PPIC: variants seen among roughly 807,000 people sequenced by gnomAD.
The protein encoded by PPIC is peptidyl-prolyl cis-trans isomerase C.
In PPIC, 19 loss-of-function variants were observed where a neutral mutation model predicts 19.5. The ratio of observed to expected loss-of-function variants is 0.98; its 90% CI spans 0.68 to 1.43. The LOEUF is 1.43. Among genes scored for constraint, PPIC ranks in the 40% most tolerant of loss-of-function variants. PPIC has a pLI of 0.00. For synonymous variants in PPIC, 107 were observed against 101.2 expected (o/e 1.06, Z -0.34); for missense variants, 268 against 268.6 (o/e 1.00, Z 0.02).
At position 123,036,196 on chromosome 5, in the gene PPIC, G is replaced by T. The variant is rs1041225177; in HGVS notation, c.117+313C>A. 1.3e-5 allele frequency: 5 copies of T among 394,256 alleles called. No individual in the cohort carries two copies. Among genetic ancestry groups the T allele is most frequent in the African/African-American group, 4.4e-5 (2 of 45,804 alleles). 24.4% of individuals were successfully genotyped at this position (394,256 alleles called of 1,614,324 possible). ...TTGGGCAGTCTCTTTCCTGGAGAAC[G>T]GGCCCGCCGGTTCCGGAAGCCTCTC... On this transcript the variant is annotated intron_variant, in intron 1 of 4. Coordinates refer to ENST00000306442, the MANE Select transcript of PPIC (RefSeq NM_000943.5). The surrounding 1 kb of genome is among the most constrained non-coding windows in gnomAD (Gnocchi z 4.5).
chr5:123,036,207 T>G lies in PPIC; in HGVS notation c.117+302A>C. 2.6e-5 allele frequency: 10 copies of G among 391,542 alleles called. No individual in the cohort carries two copies. Among genetic ancestry groups the G allele is most frequent in the Non-Finnish European group, 3.3e-5 (7 of 213,002 alleles). The allele number at this position is 391,542 out of a possible 1,614,324, so 24.3% of individuals were successfully genotyped here. ...CTTTCCTGGAGAACGGGCCCGCCGGTTCCGGAAGCCTCTCCTACCCCCAGG... is the reference window on the plus strand; with the variant it reads ...CTTTCCTGGAGAACGGGCCCGCCGGGTCCGGAAGCCTCTCCTACCCCCAGG... On this transcript the variant is annotated intron_variant, in intron 1 of 4. Coordinates refer to ENST00000306442, the MANE Select transcript of PPIC (RefSeq NM_000943.5). The surrounding 1 kb of genome is among the most constrained non-coding windows in gnomAD (Gnocchi z 4.5).
Position 123,036,721 on chromosome 5 carries a change from C to T in PPIC, c.-96G>A. The T allele has an allele frequency of 9.5e-7, 1 of 1,056,536 alleles. No individual in the cohort carries two copies. The allele number at this position is 1,056,536 out of a possible 1,614,324, so 65.4% of individuals were successfully genotyped here. A position where few individuals can be genotyped will look rare whatever the true frequency, so the allele number is the denominator to read the frequency against. ...CTGACGGGACTGCCGGCCGGCTGCG[C>T]CTGCGCGCTCCCGGTTGCGGGGGAT... On this transcript the variant is annotated 5_prime_UTR_variant, in exon 1 of 5. Transcript: ENST00000306442. This position sits in a 1 kb window ranked among gnomAD's most constrained non-coding sequence, Gnocchi z 4.5.
At chr5:123,026,050 T>A (rs918630397) in intron 3 of PPIC, 82 bp from the exon 4 acceptor site, 1 of 1,211,008 alleles carries the variant, frequency 8.3e-7, no homozygotes, top group East Asian at 2.6e-5. Context: ...CTTAGAGGAA[T>A]CAATTACTAG....
At chr5:123,033,773 A>G (rs891198521) in intron 1 of PPIC, among the ~76,000 whole-genome samples, 16 of 152,372 alleles carry the variant, frequency 1.1e-4, no homozygotes, top group African/African-American at 3.8e-4. Flanking sequence ...CCATCTAGCC[A>G]CAGCCTCCTG....
At chr5:123,029,171 A>T (rs2150189599) in intron 2 of PPIC, 134 bp downstream of exon 2, 1 of 1,506,398 alleles carries the variant, frequency 6.6e-7, no homozygotes, top group Non-Finnish European at 9.0e-7. Flanking sequence ...ATACATATTT[A>T]ATTGGAAAAT....
In PPIC at chr5:123,032,368, G is replaced by A. The variant is rs45465793; in HGVS notation, c.118-2950C>T. ...TTTCAAGGCTGCCTCTAGCTAAACT[G>A]GTTTATTGTTAATAGGGCTCTCCGG... On this transcript the variant is annotated intron_variant, in intron 1 of 4. Coordinates refer to ENST00000306442, the MANE Select transcript of PPIC (RefSeq NM_000943.5). Among the ~76,000 whole-genome samples, 1,285 of 152,274 alleles carry A rather than the reference G, an allele frequency of 8.4e-3. 22 individuals are homozygous for A. The highest frequency in any genetic ancestry group is 0.03 in the African/African-American group (1,232 of 41,564).
Position 123,029,414 on chromosome 5 carries a change from A to C in PPIC, c.122T>G (p.Phe41Cys). 1 of 1,594,312 alleles carries C rather than the reference A, an allele frequency of 6.3e-7. No homozygotes were observed. The highest frequency in any genetic ancestry group is 8.6e-7 in the Non-Finnish European group (1 of 1,169,104). The change falls in exon 2 of 5, where the codon TTC (phenylalanine) becomes TGC (cysteine). Residue 41 changes from phenylalanine to cysteine, a missense_variant. Physicochemically the swap from Phe to Cys is radical, Grantham distance 205. Transcript: ENST00000306442. ...KRGPSVTAKV[F>C]FDVRIGDKDV... Reference sequence around the variant, plus strand: ...TTTGTCTCCAATCCTCACATCAAAGAAGACCTGTGTGCAGTTGAAAGGCAA... The same window carrying C: ...TTTGTCTCCAATCCTCACATCAAAGCAGACCTGTGTGCAGTTGAAAGGCAA...
chr5:123,036,636 G>T lies in PPIC; in HGVS notation c.-11C>A, dbSNP rs1763020118. The T allele has an allele frequency of 1.1e-5, 17 of 1,571,958 alleles. No homozygotes were observed. Among genetic ancestry groups the T allele is most frequent in the Non-Finnish European group, 1.5e-5 (17 of 1,160,044 alleles). Reference sequence around the variant, plus strand: ...AGGACCCGGGCCCATGGTGAGCGGTGGCAGCGGCGCTACCGGCACGGGCGC... The same window carrying T: ...AGGACCCGGGCCCATGGTGAGCGGTTGCAGCGGCGCTACCGGCACGGGCGC... On this transcript the variant is annotated 5_prime_UTR_variant, in exon 1 of 5. Coordinates refer to ENST00000306442, the MANE Select transcript of PPIC (RefSeq NM_000943.5). The surrounding 1 kb of genome is among the most constrained non-coding windows in gnomAD (Gnocchi z 4.5).
intron 2 of PPIC, 102 bp from the exon 3 acceptor site, chr5:123,028,970 T>C (rs563473640): frequency 1.9e-6 from 2 of 1,064,538 alleles, no homozygotes; most frequent in East Asian, 2.6e-5. Context: ...TTAAACAAAA[T>C]GCCTACAGAA....
chr5:123,023,566 T>C lies in PPIC; in HGVS notation c.*309A>G, dbSNP rs569167704. The stretch of plus-strand genomic sequence containing the variant: ...TCAGCATTACCCAATATGGGGATCA[T>C]AATGAATTCAGAAAAAAAATATTGC... On this transcript the variant is annotated 3_prime_UTR_variant, in exon 5 of 5. Coordinates refer to ENST00000306442, the MANE Select transcript of PPIC (RefSeq NM_000943.5). 1 of 188,098 alleles carries C rather than the reference T, an allele frequency of 5.3e-6. No individual in the cohort carries two copies. Among genetic ancestry groups the C allele is most frequent in the East Asian group, 1.4e-4 (1 of 7,278 alleles). 11.7% of individuals were successfully genotyped at this position (188,098 alleles called of 1,614,324 possible). A position where few individuals can be genotyped will look rare whatever the true frequency, so the allele number is the denominator to read the frequency against.
At position 123,036,386 on chromosome 5, in the gene PPIC, C is replaced by G. The variant is rs1257588372; in HGVS notation, c.117+123G>C. ...CTCCCACCCAGTCCCGCGGCCGCCT[C>G]CAGTCCCCCTGCGCCCGGGAAGCCT... On this transcript the variant is annotated intron_variant, in intron 1 of 4. Coordinates refer to ENST00000306442, the MANE Select transcript of PPIC (RefSeq NM_000943.5). The surrounding 1 kb of genome is among the most constrained non-coding windows in gnomAD (Gnocchi z 4.5). 1.1e-6 allele frequency: 1 copy of G among 906,402 alleles called. No individual in the cohort carries two copies. Among genetic ancestry groups the G allele is most frequent in the African/African-American group, 1.7e-5 (1 of 60,292 alleles). 56.1% of individuals were successfully genotyped at this position (906,402 alleles called of 1,614,324 possible).
intron 1 of PPIC, among the ~76,000 whole-genome samples, chr5:123,030,406 TTGAA>T (rs1271175093): frequency 1.3e-5 from 2 of 152,194 alleles, no homozygotes; most frequent in African/African-American, 2.4e-5. Context: ...AATTTACTGT[TTGAA>T]TGGGTAAAAA....
intron 1 of PPIC, among the ~76,000 whole-genome samples, chr5:123,033,729 A>G (rs1407772521): frequency 6.6e-6 from 1 of 152,240 alleles, no homozygotes; most frequent in Non-Finnish European, 1.5e-5. Flanking sequence ...AAAGGAGGAA[A>G]CTGAGCTGTG....
At position 123,023,795 on chromosome 5, in the gene PPIC, G is replaced by GA. The variant is rs2150187854; in HGVS notation, c.*79dup. ...AGTAAAAAAAAAAAAGCAAATAATTGAAAGACAACACAACACACACACACA... is the reference window on the plus strand; with the variant it reads ...AGTAAAAAAAAAAAAGCAAATAATTGAAAAGACAACACAACACACACACACA... On this transcript the variant is annotated 3_prime_UTR_variant, in exon 5 of 5. Transcript: ENST00000306442. 2 of 1,241,164 alleles carry GA rather than the reference G, an allele frequency of 1.6e-6. No homozygotes were observed. The highest frequency in any genetic ancestry group is 1.8e-5 in the African/African-American group (1 of 56,016). 76.9% of individuals were successfully genotyped at this position (1,241,164 alleles called of 1,614,324 possible).
intron 1 of PPIC, 131 bp from the exon 2 acceptor site, chr5:123,029,549 A>G: frequency 7.2e-7 from 1 of 1,390,948 alleles, no homozygotes; most frequent in Non-Finnish European, 9.4e-7. Context: ...GTAAAGGAGC[A>G]TGACATCAAT....
At chr5:123,024,869 A>T (rs1360206348) in intron 4 of PPIC, among the ~76,000 whole-genome samples, 3 of 152,234 alleles carry the variant, frequency 2.0e-5, no homozygotes, top group Non-Finnish European at 4.4e-5. Flanking sequence ...GGATGGACAG[A>T]CTTTACAGTA....
At chr5:123,027,492 C>T (rs537755225) in intron 3 of PPIC, among the ~76,000 whole-genome samples, 7 of 152,252 alleles carry the variant, frequency 4.6e-5, no homozygotes, top group South Asian at 2.1e-4. Context: ...ACCGAGGGCA[C>T]GGGCACCAGC....
chr5:123,033,535 A>T (rs1285372733), intron 1 of PPIC, among the ~76,000 whole-genome samples: 2 of 152,240 alleles, frequency 1.3e-5, no homozygotes, highest in Non-Finnish European at 2.9e-5. Context: ...GGCTGTCACC[A>T]GATGCCCAGT....
At chr5:123,030,838 G>A (rs1256607300) in intron 1 of PPIC, among the ~76,000 whole-genome samples, 3 of 152,108 alleles carry the variant, frequency 2.0e-5, no homozygotes, top group Non-Finnish European at 4.4e-5. Flanking sequence ...CAGCAATAAC[G>A]AAGCAGCACC....
Sources: gnomAD v4.1 joint callset for allele counts (sites outside exome capture counted in the v4.1 genomes callset) on GRCh38, gnomAD v4.1.1 for gene constraint, Gnocchi (gnomAD v3.1) non-coding constraint, MANE v1.5 for transcripts, NCBI Gene and HGNC (gene_info 2026-07-23, HGNC 2026-07-21) for gene names.